BCAP29: variants seen among roughly 807,000 people sequenced by gnomAD.
BCAP29 encodes the protein B-cell receptor-associated protein 29.
BCAP29 carries 34 observed loss-of-function variants against 31.8 expected under a neutral mutation model. The ratio of observed to expected loss-of-function variants is 1.07; its 90% CI spans 0.81 to 1.42. The LOEUF is 1.42. BCAP29 is among the 40% of genes most tolerant of loss of function. The probability of loss-of-function intolerance (pLI) is 0.00; values close to 1 mark genes in which losing one functional copy is unlikely to be tolerated. For synonymous variants in BCAP29, 104 were observed against 91.3 expected (o/e 1.14, Z -0.79); for missense variants, 314 against 269.2 (o/e 1.17, Z -1.16).
In BCAP29 at chr7:107,619,961, G is replaced by A. The variant is rs987259350; in HGVS notation, c.*1598G>A. 5 of 152,126 alleles carry A rather than the reference G, an allele frequency of 3.3e-5. No homozygotes were observed. Among genetic ancestry groups the A allele is most frequent in the South Asian group, 2.1e-4 (1 of 4,816 alleles). 9.4% of individuals were successfully genotyped at this position (152,126 alleles called of 1,614,324 possible). On this transcript the variant is annotated 3_prime_UTR_variant, in exon 8 of 8. Coordinates refer to ENST00000005259, the MANE Select transcript of BCAP29 (RefSeq NM_018844.4). ...CTCTATTTCCTTGTCTCCAAAATGAGAATAATAAAATTTAGGTCAGGATTA... is the reference window on the plus strand; with the variant it reads ...CTCTATTTCCTTGTCTCCAAAATGAAAATAATAAAATTTAGGTCAGGATTA...
chr7:107,580,894 A>C (rs1433986560), intron 2 of BCAP29, 30 bp downstream of exon 2: 2 of 1,487,764 alleles, frequency 1.3e-6, no homozygotes, highest in South Asian at 1.2e-5. Flanking sequence ...TTAACTAATA[A>C]ATATTGGATC....
rs753935872 is a variant in BCAP29 at position 107,618,391 on chromosome 7, T to C, written c.*28T>C. 1.9e-6 allele frequency: 3 copies of C among 1,611,678 alleles called. No homozygotes were observed. The highest frequency in any genetic ancestry group is 2.5e-6 in the Non-Finnish European group (3 of 1,178,194). On this transcript the variant is annotated 3_prime_UTR_variant, in exon 8 of 8. Coordinates refer to ENST00000005259, the MANE Select transcript of BCAP29 (RefSeq NM_018844.4). The stretch of plus-strand genomic sequence containing the variant: ...TTTATAAAAGACACTTGCAATATAC[T>C]GTGTCAAAATGATAATTTTGTTATG...
Position 107,583,987 on chromosome 7 carries a change from G to A in BCAP29, c.193+5G>A, listed in dbSNP as rs1209897045. ...TATTGATTGTTCTATTTCTAGGTAAGTACTAGATCCCTTCTTTGAATAAAT... is the reference window on the plus strand; with the variant it reads ...TATTGATTGTTCTATTTCTAGGTAAATACTAGATCCCTTCTTTGAATAAAT... On this transcript the variant is annotated splice_donor_5th_base_variant and intron_variant, in intron 3 of 7. Coordinates refer to ENST00000005259, the MANE Select transcript of BCAP29 (RefSeq NM_018844.4). The A allele has an allele frequency of 2.8e-6, 4 of 1,428,162 alleles. No homozygotes were observed. The highest frequency in any genetic ancestry group is 1.4e-5 in the African/African-American group (1 of 69,060). 88.5% of individuals were successfully genotyped at this position (1,428,162 alleles called of 1,614,324 possible).
chr7:107,589,676 G>A (rs1465852048), intron 3 of BCAP29, among the ~76,000 whole-genome samples: 1 of 152,180 alleles, frequency 6.6e-6, no homozygotes, highest in East Asian at 1.9e-4. Flanking sequence ...GACCCCTGCT[G>A]TACATAATCT....
chr7:107,616,874 G>A (rs1028489647), intron 7 of BCAP29, among the ~76,000 whole-genome samples: 5 of 152,106 alleles, frequency 3.3e-5, no homozygotes, highest in Non-Finnish European at 7.3e-5. Flanking sequence ...GAGTGACTGG[G>A]ACTACAAGCA....
chr7:107,580,930 T>C (rs777404690), intron 2 of BCAP29, 66 bp downstream of exon 2: 179 of 1,222,848 alleles, frequency 1.5e-4, no homozygotes, highest in Admixed American at 2.2e-4. Context: ...TGGAAAAAGT[T>C]TTCTGAACAT....
intron 3 of BCAP29, among the ~76,000 whole-genome samples, chr7:107,592,644 A>G (rs1809088355): frequency 6.6e-6 from 1 of 152,250 alleles, no homozygotes. Context: ...TGTTCGTAGC[A>G]GCGTTATTCA....
At chr7:107,585,726 AC>A (rs1426388732) in intron 3 of BCAP29, among the ~76,000 whole-genome samples, 1 of 152,174 alleles carries the variant, frequency 6.6e-6, no homozygotes, top group Non-Finnish European at 1.5e-5. Flanking sequence ...GCGGCGGCTC[AC>A]CTCTGTAATC....
At chr7:107,595,805 C>G (rs574316675) in intron 4 of BCAP29, 62 bp from the exon 5 acceptor site, 3 of 1,544,524 alleles carry the variant, frequency 1.9e-6, no homozygotes, top group African/African-American at 2.8e-5. Context: ...TTGGCAATGA[C>G]TGTTTTAAAA....
At chr7:107,583,660 CCAGA>C (rs1170196852) in intron 2 of BCAP29, among the ~76,000 whole-genome samples, 1 of 151,948 alleles carries the variant, frequency 6.6e-6, no homozygotes, top group Admixed American at 6.6e-5. Context: ...ATTTAAGCCA[CCAGA>C]CAGAGGATAA....
intron 2 of BCAP29, among the ~76,000 whole-genome samples, chr7:107,582,025 A>T (rs1806775530): frequency 1.3e-5 from 2 of 152,132 alleles, no homozygotes; most frequent in African/African-American, 4.8e-5. Context: ...CTACTCCATC[A>T]TGCTGCCTCT....
chr7:107,604,797 C>G (rs1283158442), intron 6 of BCAP29, among the ~76,000 whole-genome samples: 1 of 147,700 alleles, frequency 6.8e-6, no homozygotes, highest in African/African-American at 2.5e-5. Flanking sequence ...ACACCTTTGT[C>G]CCTTCTTGTA....
chr7:107,621,451 T>C (rs1371292644), downstream of BCAP29: 14 of 274,532 alleles, frequency 5.1e-5, no homozygotes, highest in Non-Finnish European at 8.7e-5. Flanking sequence ...TCAAACACTT[T>C]AGGAACTGTG....
chr7:107,584,045 AAT>A, intron 3 of BCAP29, 63 bp downstream of exon 3: 1 of 934,530 alleles, frequency 1.1e-6, no homozygotes, highest in Non-Finnish European at 1.6e-6. Context: ...CTTTTTAATT[AAT>A]AGAGTTGATG....
intron 6 of BCAP29, among the ~76,000 whole-genome samples, chr7:107,601,190 G>A (rs1420923400): frequency 1.3e-5 from 2 of 152,110 alleles, no homozygotes; most frequent in Admixed American, 1.3e-4. Flanking sequence ...CCCAAATTCA[G>A]TGTCATCCAA....
chr7:107,591,542 C>G (rs1585080917), intron 3 of BCAP29, among the ~76,000 whole-genome samples: 1 of 151,702 alleles, frequency 6.6e-6, no homozygotes, highest in Middle Eastern at 3.4e-3. Flanking sequence ...TAACAAGCCT[C>G]TACGAGCATA....
At chr7:107,600,618 G>A (rs1334874023) in intron 6 of BCAP29, 113 bp downstream of exon 6, 13 of 570,958 alleles carry the variant, frequency 2.3e-5, no homozygotes, top group South Asian at 1.6e-4. Flanking sequence ...CTAAGATACC[G>A]AGAATGACCT....
downstream of BCAP29, chr7:107,620,795 TC>T (rs1814892418): frequency 6.6e-6 from 1 of 152,242 alleles, no homozygotes; most frequent in Non-Finnish European, 1.5e-5. Context: ...TAAGTTCCTC[TC>T]TTGGCTATTT....
chr7:107,600,508 A>G lies in BCAP29; in HGVS notation c.589+3A>G. The G allele has an allele frequency of 6.5e-7, 1 of 1,528,986 alleles. No individual in the cohort carries two copies. The highest frequency in any genetic ancestry group is 9.0e-7 in the Non-Finnish European group (1 of 1,106,628). The allele number at this position is 1,528,986 out of a possible 1,614,324, so 94.7% of individuals were successfully genotyped here. ...TGAATTAAGGAAGACTTCAGATGGT[A>G]ACTTTGTGTACATGTGAAAAAGTAA... On this transcript the variant is annotated splice_donor_region_variant and intron_variant, in intron 6 of 7. Transcript: ENST00000005259.
Sources: allele counts gnomAD v4.1 joint callset (sites outside exome capture counted in the v4.1 genomes callset), GRCh38; gene constraint gnomAD v4.1.1; transcripts MANE v1.5; gene names NCBI Gene and HGNC (gene_info 2026-07-23, HGNC 2026-07-21).